Variants in FAM107B observed in about 807,000 individuals in gnomAD.
The protein encoded by FAM107B is family with sequence similarity 107 member B, also known as protein FAM107B.
FAM107B carries 21 observed loss-of-function variants against 31.5 expected under a neutral mutation model. That is an observed-to-expected ratio of 0.67 (90% CI 0.47 to 0.96). The LOEUF (loss-of-function observed/expected upper bound fraction) is 0.96, where lower values mean the gene tolerates loss of function less well. FAM107B is among the 40% of genes least tolerant of loss of function. The pLI is 0.00. For synonymous variants in FAM107B, 157 were observed against 141.5 expected, an observed-to-expected ratio of 1.11 and a Z score of -0.78; for missense variants, 452 against 377.1, an observed-to-expected ratio of 1.20 and a Z score of -1.64.
At chr10:14,739,007 C>T (rs1334186544) in intron 1 of FAM107B, among the ~76,000 whole-genome samples, 1 of 152,194 alleles carries the variant, frequency 6.6e-6, no homozygotes, top group Non-Finnish European at 1.5e-5. Context: ...TTCACCATGG[C>T]TTCCTCCTCC....
At chr10:14,531,539 G>GAAAAA (rs59782461) in intron 2 of FAM107B, among the ~76,000 whole-genome samples, 42 of 120,674 alleles carry the variant, frequency 3.5e-4, no homozygotes, top group Non-Finnish European at 2.7e-4. Context: ...TAAAAGAAAA[G>GAAAAA]AAAAAAAAAA....
intron 2 of FAM107B, among the ~76,000 whole-genome samples, chr10:14,613,090 G>A (rs1852764417): frequency 6.6e-6 from 1 of 152,088 alleles, no homozygotes; most frequent in Non-Finnish European, 1.5e-5. Flanking sequence ...TCCTGCCTCA[G>A]CCCCGCGAGC....
At chr10:14,647,922 GAC>G (rs1312253550) in intron 2 of FAM107B, among the ~76,000 whole-genome samples, 7 of 151,542 alleles carry the variant, frequency 4.6e-5, no homozygotes, top group Admixed American at 3.3e-4. Flanking sequence ...TTGAGATGCT[GAC>G]ACAGTTAAGG....
chr10:14,672,441 C>T (rs1406684749), intron 1 of FAM107B, among the ~76,000 whole-genome samples: 1 of 152,140 alleles, frequency 6.6e-6, no homozygotes, highest in African/African-American at 2.4e-5. Flanking sequence ...GATGATGTAC[C>T]AAGAATGTAC....
rs1845373347 is a variant in FAM107B at position 14,518,917 on chromosome 10, G to A, written c.*2273C>T. On this transcript the variant is annotated 3_prime_UTR_variant, in exon 5 of 5. Transcript: ENST00000181796. ...ACTGCTCAGATGTTCAAGAGTCCTA[G>A]GAGTTTGGGCTGCACAGTATTAAGG... The A allele has an allele frequency of 6.6e-6, 1 of 152,604 alleles. No individual in the cohort carries two copies. The highest frequency in any genetic ancestry group is 6.5e-5 in the Admixed American group (1 of 15,274). 9.5% of individuals were successfully genotyped at this position (152,604 alleles called of 1,614,324 possible). A position where few individuals can be genotyped will look rare whatever the true frequency, so the allele number is the denominator to read the frequency against.
chr10:14,734,496 T>A (rs377079656), intron 1 of FAM107B, among the ~76,000 whole-genome samples: 1 of 130,488 alleles, frequency 7.7e-6, no homozygotes, highest in Admixed American at 7.0e-5. Context: ...AGGTTTTTTT[T>A]TTTTTTTTAG....
At chr10:14,700,344 C>G (rs1855366293) in intron 1 of FAM107B, among the ~76,000 whole-genome samples, 1 of 152,108 alleles carries the variant, frequency 6.6e-6, no homozygotes, top group Non-Finnish European at 1.5e-5. Context: ...GAGAGATAAC[C>G]CCTGGGCAGG....
At chr10:14,584,457 T>A (rs745991719) in intron 2 of FAM107B, among the ~76,000 whole-genome samples, 19 of 152,140 alleles carry the variant, frequency 1.2e-4, no homozygotes, top group Non-Finnish European at 1.3e-4. Context: ...ATTTTCACCA[T>A]AAACAAAAAA....
chr10:14,660,377 C>G (rs1854202612), intron 2 of FAM107B, among the ~76,000 whole-genome samples: 1 of 152,068 alleles, frequency 6.6e-6, no homozygotes, highest in African/African-American at 2.4e-5. Flanking sequence ...AAAAAATGGC[C>G]ACTAGAAAGA....
chr10:14,718,502 AAGGG>A (rs1298926033), intron 1 of FAM107B, among the ~76,000 whole-genome samples: 5 of 135,694 alleles, frequency 3.7e-5, no homozygotes, highest in African/African-American at 1.1e-4. Flanking sequence ...GAAGGAAGGA[AAGGG>A]AGGGAGGGAG....
At chr10:14,563,202 A>G (rs1248397179) in intron 2 of FAM107B, among the ~76,000 whole-genome samples, 2 of 152,240 alleles carry the variant, frequency 1.3e-5, no homozygotes, top group African/African-American at 2.4e-5. Context: ...CCTACAGATG[A>G]GGGAAACAGT....
intron 2 of FAM107B, among the ~76,000 whole-genome samples, chr10:14,603,478 C>T (rs1388951725): frequency 6.6e-6 from 1 of 152,192 alleles, no homozygotes; most frequent in Non-Finnish European, 1.5e-5. Flanking sequence ...TACCTTGCAG[C>T]AGAGAATGAA....
rs569024916 is a variant in FAM107B at position 14,716,729 on chromosome 10, G to A, written c.412-49038C>T. On this transcript the variant is annotated intron_variant, in intron 1 of 4. Coordinates refer to ENST00000181796, the MANE Select transcript of FAM107B (RefSeq NM_031453.4). Reference sequence around the variant, plus strand: ...CCTCAAGCACATCATTTAATCTCTCGGTTTCCACATCTGTAAAATGTGGAT... The same window carrying A: ...CCTCAAGCACATCATTTAATCTCTCAGTTTCCACATCTGTAAAATGTGGAT... 4.6e-5 allele frequency among the ~76,000 whole-genome samples: 7 copies of A among 152,234 alleles called. No homozygotes were observed. In the South Asian group the frequency reaches 1.0e-3, roughly 23 times the overall value.
intron 2 of FAM107B, among the ~76,000 whole-genome samples, chr10:14,622,051 A>G (rs964987109): frequency 6.6e-6 from 1 of 152,202 alleles, no homozygotes; most frequent in African/African-American, 2.4e-5. Flanking sequence ...CAGTCTCTCC[A>G]TGGAGTAACA....
intron 2 of FAM107B, among the ~76,000 whole-genome samples, chr10:14,545,962 C>T (rs1227943148): frequency 6.6e-6 from 1 of 152,188 alleles, no homozygotes; most frequent in African/African-American, 2.4e-5. Flanking sequence ...ACACAGACCA[C>T]GAAAAGCTTC....
intron 2 of FAM107B, chr10:14,654,055 C>G (rs1459867902): frequency 1.3e-5 from 2 of 151,210 alleles, no homozygotes; most frequent in Non-Finnish European, 2.9e-5. Flanking sequence ...CAAATGCCTG[C>G]AGGGGCCAGG....
intron 2 of FAM107B, among the ~76,000 whole-genome samples, chr10:14,623,844 T>G (rs1380583040): frequency 6.6e-6 from 1 of 152,134 alleles, no homozygotes; most frequent in Non-Finnish European, 1.5e-5. Context: ...AGTAAATCGC[T>G]CACACTTGGG....
chr10:14,679,108 T>A (rs772446677), intron 1 of FAM107B, among the ~76,000 whole-genome samples: 1 of 151,796 alleles, frequency 6.6e-6, no homozygotes, highest in Non-Finnish European at 1.5e-5. Flanking sequence ...CTCAGTTTCA[T>A]CATAAAAAAG....
intron 2 of FAM107B, among the ~76,000 whole-genome samples, chr10:14,572,761 T>TATATATATATATATAAATATATATATA (rs1554835550): frequency 1.3e-5 from 1 of 76,038 alleles, no homozygotes; most frequent in South Asian, 3.9e-4. Context: ...ATATATATAT[T>TATATATATATATATAAATATATATATA]AGAGTGTGTG....
Sources: allele counts gnomAD v4.1 joint callset (sites outside exome capture counted in the v4.1 genomes callset), GRCh38; gene constraint gnomAD v4.1.1; transcripts MANE v1.5; gene names NCBI Gene and HGNC (gene_info 2026-07-23, HGNC 2026-07-21).